Variants in ME3 observed in about 807,000 individuals in gnomAD.
ME3 encodes malic enzyme 3, also known as NADP-dependent malic enzyme, mitochondrial.
Under a neutral mutation model 68.9 loss-of-function variants are expected in ME3, and 48 were observed. The observed-to-expected ratio is 0.70, with a 90% CI of 0.55 to 0.89. The LOEUF (loss-of-function observed/expected upper bound fraction) is 0.89. ME3 is among the 40% of genes least tolerant of loss of function. ME3 has a pLI of 0.00. For synonymous variants in ME3, 320 were observed against 318.8 expected (o/e 1.00, Z -0.04); for missense variants, 675 against 797.4 (o/e 0.85, Z 1.85).
chr11:86,587,708 C>G (rs1484029058), intron 2 of ME3, among the ~76,000 whole-genome samples: 1 of 152,202 alleles, frequency 6.6e-6, no homozygotes, highest in Non-Finnish European at 1.5e-5. Flanking sequence ...ATCCTCCCCA[C>G]CTAGCTAGAG....
chr11:86,572,517 G>A (rs1206272902), intron 2 of ME3, among the ~76,000 whole-genome samples: 3 of 152,136 alleles, frequency 2.0e-5, no homozygotes, highest in African/African-American at 4.8e-5. Flanking sequence ...CCACTTATGA[G>A]TGAGAACATG....
chr11:86,649,675 C>G (rs1945270030), intron 2 of ME3, among the ~76,000 whole-genome samples: 1 of 152,098 alleles, frequency 6.6e-6, no homozygotes, highest in African/African-American at 2.4e-5. Flanking sequence ...CAATAATAGA[C>G]AAACAGCCAA....
intron 2 of ME3, among the ~76,000 whole-genome samples, chr11:86,615,746 C>T (rs906784377): frequency 2.6e-5 from 4 of 152,160 alleles, no homozygotes; most frequent in Non-Finnish European, 5.9e-5. Context: ...GCACTCTGAC[C>T]TTGAGGGTGC....
intron 4 of ME3, among the ~76,000 whole-genome samples, chr11:86,509,990 A>G (rs1478719457): frequency 1.3e-5 from 2 of 152,216 alleles, no homozygotes; most frequent in Non-Finnish European, 2.9e-5. Flanking sequence ...GAAATTTTCC[A>G]TAATAAAAAA....
At chr11:86,507,265 CACAG>C (rs1305105277) in intron 5 of ME3, among the ~76,000 whole-genome samples, 1 of 152,180 alleles carries the variant, frequency 6.6e-6, no homozygotes, top group Non-Finnish European at 1.5e-5. Context: ...TCTTTGGCAG[CACAG>C]ACACAGTGTA....
intron 2 of ME3, among the ~76,000 whole-genome samples, chr11:86,655,286 C>G (rs899967373): frequency 5.3e-5 from 8 of 152,084 alleles, no homozygotes; most frequent in Admixed American, 1.3e-4. Context: ...GCCTGCATCG[C>G]CAAGTCAATC....
At chr11:86,460,974 A>G (rs2138701718) in intron 8 of ME3, among the ~76,000 whole-genome samples, 1 of 152,322 alleles carries the variant, frequency 6.6e-6, no homozygotes, top group South Asian at 2.1e-4. Context: ...TGTGGGCCTC[A>G]TCTTCAGGTC....
chr11:86,486,686 C>T (rs911535247), intron 7 of ME3, among the ~76,000 whole-genome samples: 1 of 152,248 alleles, frequency 6.6e-6, no homozygotes, highest in Non-Finnish European at 1.5e-5. Flanking sequence ...CAGCTCTTCT[C>T]TCAGAGTAAA....
chr11:86,654,668 C>A (rs1038908789), intron 2 of ME3, among the ~76,000 whole-genome samples: 1 of 152,048 alleles, frequency 6.6e-6, no homozygotes, highest in Non-Finnish European at 1.5e-5. Flanking sequence ...CTGGAAGCAT[C>A]CCCTTTGAAA....
chr11:86,454,915 C>T (rs912287930), intron 8 of ME3, among the ~76,000 whole-genome samples: 8 of 152,222 alleles, frequency 5.3e-5, no homozygotes, highest in Non-Finnish European at 2.9e-5. Context: ...GGGCCTTCTC[C>T]TAGATTTATA....
intron 2 of ME3, among the ~76,000 whole-genome samples, chr11:86,581,456 G>C (rs1254126252): frequency 6.6e-6 from 1 of 152,032 alleles, no homozygotes; most frequent in Non-Finnish European, 1.5e-5. Flanking sequence ...TTCTCCCCTA[G>C]GAAAAAAATA....
intron 4 of ME3, among the ~76,000 whole-genome samples, chr11:86,535,727 A>G (rs1327694370): frequency 6.6e-6 from 1 of 152,212 alleles, no homozygotes; most frequent in Non-Finnish European, 1.5e-5. Context: ...TACTTTTTAC[A>G]TTCATGTTTT....
intron 2 of ME3, among the ~76,000 whole-genome samples, chr11:86,578,950 A>G (rs562734731): frequency 6.6e-6 from 1 of 152,322 alleles, no homozygotes; most frequent in South Asian, 2.1e-4. Flanking sequence ...AGAGAGTTCA[A>G]TGATTTGCCT....
chr11:86,556,038 C>A (rs1443055120), intron 4 of ME3, among the ~76,000 whole-genome samples: 1 of 152,058 alleles, frequency 6.6e-6, no homozygotes, highest in Non-Finnish European at 1.5e-5. Flanking sequence ...CCTCAAAATT[C>A]TTTGGCTCTG....
At chr11:86,609,556 T>C (rs1942408322) in intron 2 of ME3, among the ~76,000 whole-genome samples, 1 of 152,126 alleles carries the variant, frequency 6.6e-6, no homozygotes, top group African/African-American at 2.4e-5. Flanking sequence ...CTATGAATCA[T>C]AAGTGTGCAT....
intron 10 of ME3, among the ~76,000 whole-genome samples, chr11:86,449,485 A>G (rs1565792702): frequency 6.6e-6 from 1 of 152,236 alleles, no homozygotes; most frequent in Non-Finnish European, 1.5e-5. Flanking sequence ...TTTGAGCACT[A>G]TCAGAAGATA....
At chr11:86,451,213 T>TA (rs2138632152) in intron 8 of ME3, among the ~76,000 whole-genome samples, 1 of 152,316 alleles carries the variant, frequency 6.6e-6, no homozygotes, top group East Asian at 1.9e-4. Context: ...GAGCAGTTGC[T>TA]AATGGTTTAG....
intron 2 of ME3, among the ~76,000 whole-genome samples, chr11:86,600,109 C>T (rs1960335990): frequency 6.6e-6 from 1 of 152,154 alleles, no homozygotes. Flanking sequence ...ACAATATTAG[C>T]TTTAAATGTA....
At chr11:86,649,932 A>G (rs115169391) in intron 2 of ME3, among the ~76,000 whole-genome samples, 2 of 152,162 alleles carry the variant, frequency 1.3e-5, no homozygotes, top group African/African-American at 2.4e-5. Flanking sequence ...ACCATTGACT[A>G]TCTTCACAGA....
Sources: gnomAD v4.1 joint callset for allele counts (sites outside exome capture counted in the v4.1 genomes callset) on GRCh38, gnomAD v4.1.1 for gene constraint, MANE v1.5 for transcripts, NCBI Gene and HGNC (gene_info 2026-07-23, HGNC 2026-07-21) for gene names.